Variants in LRP1B observed in about 807,000 individuals in gnomAD.
LRP1B encodes the protein low-density lipoprotein receptor-related protein 1B.
LRP1B carries 217 observed loss-of-function variants against 556.6 expected under a neutral mutation model. The ratio of observed to expected loss-of-function variants is 0.39; its 90% CI spans 0.35 to 0.44. LRP1B has a LOEUF of 0.44. Among genes scored for constraint, LRP1B ranks in the 20% least tolerant of loss-of-function variants. The pLI, the probability that LRP1B is intolerant of heterozygous loss-of-function variation, is 1.00. For missense variants in LRP1B, 5,053 were observed against 5,620.8 expected (o/e 0.90, Z 3.23); for synonymous variants, 2,047 against 1,865.8 (o/e 1.10, Z -2.50).
At chr2:140,699,918 A>G (rs1240581852) in intron 41 of LRP1B, among the ~76,000 whole-genome samples, 2 of 85,224 alleles carry the variant, frequency 2.3e-5, no homozygotes, top group East Asian at 5.0e-4. Context: ...TGCCCACTGG[A>G]AAAAAAAAAT....
intron 24 of LRP1B, among the ~76,000 whole-genome samples, chr2:140,885,206 T>C (rs533273435): frequency 6.6e-6 from 1 of 152,276 alleles, no homozygotes; most frequent in African/African-American, 2.4e-5. Flanking sequence ...TTACATATCA[T>C]AATTATATTA....
At chr2:141,741,850 C>A (rs1023845797) in intron 2 of LRP1B, among the ~76,000 whole-genome samples, 2 of 152,046 alleles carry the variant, frequency 1.3e-5, no homozygotes, top group African/African-American at 2.4e-5. Flanking sequence ...TGGGATATTG[C>A]GCAAGAAATC....
intron 2 of LRP1B, among the ~76,000 whole-genome samples, chr2:141,491,651 TC>T (rs1474999376): frequency 6.6e-6 from 1 of 152,148 alleles, no homozygotes; most frequent in Admixed American, 6.6e-5. Context: ...CACACAACTC[TC>T]AGAGGAAAGG....
chr2:141,103,147 T>C (rs1203257235), intron 7 of LRP1B, among the ~76,000 whole-genome samples: 1 of 151,094 alleles, frequency 6.6e-6, no homozygotes, highest in Non-Finnish European at 1.5e-5. Context: ...ATCCATTTGA[T>C]GCCAAAAAAA....
At chr2:140,492,831 T>C (rs1688759365) in intron 56 of LRP1B, 138 bp from the exon 57 acceptor site, 4 of 614,002 alleles carry the variant, frequency 6.5e-6, no homozygotes, top group South Asian at 2.1e-5. Context: ...AAAAGGATCA[T>C]ACTGAGCAAC....
chr2:141,055,802 A>ATATGTGTG (rs143110499), intron 9 of LRP1B, among the ~76,000 whole-genome samples: 2 of 145,442 alleles, frequency 1.4e-5, no homozygotes, highest in African/African-American at 5.1e-5. Context: ...TTACCACAAA[A>ATATGTGTG]TGTGTGTGTG....
At chr2:141,351,735 C>T (rs1688450543) in intron 3 of LRP1B, among the ~76,000 whole-genome samples, 2 of 151,862 alleles carry the variant, frequency 1.3e-5, no homozygotes, top group Non-Finnish European at 2.9e-5. Context: ...AAATTACATG[C>T]TTGAGGGAGA....
At chr2:140,269,516 C>A in intron 86 of LRP1B, 1 of 379,772 alleles carries the variant, frequency 2.6e-6, no homozygotes, top group Non-Finnish European at 5.2e-6. Context: ...CTCTCTCAAA[C>A]ACACTCATCA....
rs9287534 is a variant in LRP1B at position 140,531,808 on chromosome 2, C to T, written c.7762+2213G>A. On this transcript the variant is annotated intron_variant, in intron 47 of 90. Coordinates refer to ENST00000389484, the MANE Select transcript of LRP1B (RefSeq NM_018557.3). ...ACTATTGGCCAAATATGACGGATAC[C>T]TCCAGTTCATGCCTGCCCTCTTACC... 5.0e-3 allele frequency among the ~76,000 whole-genome samples: 766 copies of T among 152,200 alleles called. 7 individuals are homozygous for T. Among genetic ancestry groups the T allele is most frequent in the East Asian group, 0.034 (176 of 5,176 alleles).
chr2:141,001,038 G>A (rs970318044), intron 15 of LRP1B, among the ~76,000 whole-genome samples: 2 of 151,830 alleles, frequency 1.3e-5, no homozygotes, highest in Non-Finnish European at 2.9e-5. Flanking sequence ...CCACATAACC[G>A]AAATTAAAAA....
chr2:141,899,787 C>T (rs1335043922), intron 1 of LRP1B, among the ~76,000 whole-genome samples: 1 of 152,058 alleles, frequency 6.6e-6, no homozygotes, highest in Admixed American at 6.6e-5. Context: ...TGACACTGCA[C>T]CTCAGAAATG....
intron 2 of LRP1B, among the ~76,000 whole-genome samples, chr2:141,612,878 C>G (rs1688155268): frequency 6.6e-6 from 1 of 152,162 alleles, no homozygotes; most frequent in Non-Finnish European, 1.5e-5. Flanking sequence ...TCTCAGCTCA[C>G]TGCAAGCTCT....
intron 15 of LRP1B, among the ~76,000 whole-genome samples, chr2:141,003,010 A>C (rs1573970268): frequency 6.6e-6 from 1 of 152,130 alleles, no homozygotes; most frequent in African/African-American, 2.4e-5. Flanking sequence ...TTGGAACTTA[A>C]AATAATAATA....
intron 7 of LRP1B, among the ~76,000 whole-genome samples, chr2:141,122,117 C>T (rs1162001696): frequency 6.6e-6 from 1 of 152,158 alleles, no homozygotes; most frequent in Non-Finnish European, 1.5e-5. Context: ...GGATTAAAGA[C>T]TTAAATGTTA....
At chr2:140,956,059 C>T (rs1001440781) in intron 18 of LRP1B, among the ~76,000 whole-genome samples, 12 of 151,542 alleles carry the variant, frequency 7.9e-5, no homozygotes, top group African/African-American at 1.9e-4. Context: ...GAATATTGTA[C>T]GAGTCCAGAT....
At chr2:140,260,856 C>T (rs540306274) in intron 86 of LRP1B, among the ~76,000 whole-genome samples, 8 of 151,816 alleles carry the variant, frequency 5.3e-5, no homozygotes, top group African/African-American at 1.2e-4. Flanking sequence ...TTAATAATGT[C>T]GTAAACATTT....
chr2:140,638,997 G>A (rs1391687212), intron 41 of LRP1B, among the ~76,000 whole-genome samples: 1 of 151,778 alleles, frequency 6.6e-6, no homozygotes, highest in Admixed American at 6.6e-5. Flanking sequence ...AAAAAAATGG[G>A]ATATTTCTTG....
intron 2 of LRP1B, among the ~76,000 whole-genome samples, chr2:141,560,105 GA>G (rs1256314353): frequency 1.3e-5 from 2 of 151,452 alleles, no homozygotes; most frequent in Non-Finnish European, 3.0e-5. Context: ...CATGCAAAAA[GA>G]AAAGAAAATG....
chr2:140,536,529 A>G, intron 46 of LRP1B, 52 bp downstream of exon 46: 3 of 1,568,082 alleles, frequency 1.9e-6, no homozygotes, highest in African/African-American at 1.4e-5. Context: ...CAAAAACTGT[A>G]AAGAATCAGA....
Sources: allele counts gnomAD v4.1 joint callset (sites outside exome capture counted in the v4.1 genomes callset), GRCh38; gene constraint gnomAD v4.1.1; transcripts MANE v1.5; gene names NCBI Gene and HGNC (gene_info 2026-07-23, HGNC 2026-07-21).